FAM118A: variants seen among roughly 807,000 people sequenced by gnomAD.
FAM118A encodes the protein SIR2 antiphage like 2.
FAM118A carries 25 observed loss-of-function variants against 38.2 expected under a neutral mutation model. The ratio of observed to expected loss-of-function variants is 0.65; its 90% CI spans 0.48 to 0.91. The LOEUF (loss-of-function observed/expected upper bound fraction) is 0.91. Among genes scored for constraint, FAM118A ranks in the 40% least tolerant of loss-of-function variants. The probability of loss-of-function intolerance (pLI) is 0.00; values close to 1 mark genes in which losing one functional copy is unlikely to be tolerated. For missense variants in FAM118A, 425 were observed against 463.3 expected (o/e 0.92, Z 0.76); for synonymous variants, 178 against 184.1 (o/e 0.97, Z 0.27).
At position 45,323,446 on chromosome 22, in the gene FAM118A, C is replaced by A. The variant is rs182422046; in HGVS notation, c.300+19C>A. On this transcript the variant is annotated intron_variant, in intron 3 of 8. Transcript: ENST00000441876. Reference sequence around the variant, plus strand: ...GTCACCTGTAAGTGTCAGACAAGTACCTCTTGGGGACAGCTTGGTTCTGCA... The same window carrying A: ...GTCACCTGTAAGTGTCAGACAAGTAACTCTTGGGGACAGCTTGGTTCTGCA... 14 of 1,607,916 alleles carry A rather than the reference C, an allele frequency of 8.7e-6. No homozygotes were observed. In the Admixed American group the frequency reaches 1.8e-4, roughly 21 times the overall value.
At chr22:45,327,708 C>T (rs1229558740) in intron 3 of FAM118A, 134 bp from the exon 4 acceptor site, 36 of 836,492 alleles carry the variant, frequency 4.3e-5, no homozygotes, top group Non-Finnish European at 4.6e-5. Flanking sequence ...TCTGGGGTTG[C>T]GGCGCACGCT....
At chr22:45,312,047 G>A (rs1360266886) in intron 1 of FAM118A, among the ~76,000 whole-genome samples, 2 of 152,060 alleles carry the variant, frequency 1.3e-5, no homozygotes, top group Non-Finnish European at 2.9e-5. Flanking sequence ...CTGGGCTAGG[G>A]GTCCTGAAGA....
At chr22:45,338,271 C>T (rs2086242194) in intron 8 of FAM118A, among the ~76,000 whole-genome samples, 1 of 151,988 alleles carries the variant, frequency 6.6e-6, no homozygotes, top group African/African-American at 2.4e-5. Context: ...GCTCTGTTGC[C>T]CAGGCTGGAG....
intron 8 of FAM118A, among the ~76,000 whole-genome samples, chr22:45,337,274 G>A (rs2086173466): frequency 6.6e-6 from 1 of 152,302 alleles, no homozygotes; most frequent in South Asian, 2.1e-4. Flanking sequence ...TGTAAAAGTT[G>A]GCAAACAAAA....
At chr22:45,332,109 G>T (rs1422397719) in intron 5 of FAM118A, among the ~76,000 whole-genome samples, 1 of 152,222 alleles carries the variant, frequency 6.6e-6, no homozygotes, top group African/African-American at 2.4e-5. Flanking sequence ...AGTGTGTGGG[G>T]TGGGCGATGG....
chr22:45,319,538 A>G (rs1248138357), intron 1 of FAM118A, among the ~76,000 whole-genome samples: 1 of 152,206 alleles, frequency 6.6e-6, no homozygotes, highest in Non-Finnish European at 1.5e-5. Flanking sequence ...CTGCCAGAGC[A>G]CTTTCATACA....
At chr22:45,321,193 T>G (rs1209872728) in intron 1 of FAM118A, among the ~76,000 whole-genome samples, 2 of 151,908 alleles carry the variant, frequency 1.3e-5, no homozygotes, top group East Asian at 3.9e-4. Flanking sequence ...CTCAGCTCAC[T>G]GCAACCTCCA....
chr22:45,335,260 CCTGCCGTTCCCAGTCA>C lies in FAM118A; in HGVS notation c.938-84_938-69del, dbSNP rs937949236. The C allele has an allele frequency of 4.0e-6, 6 of 1,483,848 alleles. No individual in the cohort carries two copies. The African/African-American group carries it at 6.9e-5, about 17-fold the overall frequency. 91.9% of individuals were successfully genotyped at this position (1,483,848 alleles called of 1,614,324 possible). ...CCTGCCCAGAAGCCTGTTCCCAGTC[CCTGCCGTTCCCAGTCA>C]CTGCCTCAGGGTGGCCGAGGAGGAC... On this transcript the variant is annotated intron_variant, in intron 6 of 8. Coordinates refer to ENST00000441876, the MANE Select transcript of FAM118A (RefSeq NM_017911.4).
At chr22:45,319,784 G>A in intron 1 of FAM118A, among the ~76,000 whole-genome samples, 1 of 152,108 alleles carries the variant, frequency 6.6e-6, no homozygotes, top group East Asian at 1.9e-4. Flanking sequence ...TTAGTTTGAT[G>A]ACTGATGTTA....
At chr22:45,339,605 C>T (rs970637252) in intron 8 of FAM118A, among the ~76,000 whole-genome samples, 3 of 152,082 alleles carry the variant, frequency 2.0e-5, no homozygotes, top group African/African-American at 4.8e-5. Context: ...CTGTTTCCTC[C>T]GGGGTAGGTG....
In FAM118A at chr22:45,336,593, C is replaced by T. The variant is rs1368337372; in HGVS notation, c.1054+182C>T. 5.9e-5 allele frequency among the ~76,000 whole-genome samples: 9 copies of T among 152,150 alleles called. No homozygotes were observed. In the South Asian group the frequency reaches 1.9e-3, roughly 32 times the overall value. ...CAGAGACCCTGACCTCTCACCCCAACCCGATTCCAACTGCCCAGAGCTACT... is the reference window on the plus strand; with the variant it reads ...CAGAGACCCTGACCTCTCACCCCAATCCGATTCCAACTGCCCAGAGCTACT... On this transcript the variant is annotated intron_variant, in intron 8 of 8. Coordinates refer to ENST00000441876, the MANE Select transcript of FAM118A (RefSeq NM_017911.4).
At chr22:45,335,230 G>A (rs2086001396) in intron 6 of FAM118A, 120 bp from the exon 7 acceptor site, 5 of 1,122,508 alleles carry the variant, frequency 4.5e-6, no homozygotes, top group Non-Finnish European at 6.6e-6. Flanking sequence ...GCCCGCGCGG[G>A]CTGACCTGCC....
chr22:45,322,354 C>G lies in FAM118A; in HGVS notation c.-9-17C>G. 3 of 1,605,894 alleles carry G rather than the reference C, an allele frequency of 1.9e-6. No homozygotes were observed. The highest frequency in any genetic ancestry group is 2.5e-6 in the Non-Finnish European group (3 of 1,177,376). On this transcript the variant is annotated splice_polypyrimidine_tract_variant and intron_variant, in intron 1 of 8. Transcript: ENST00000441876. The stretch of plus-strand genomic sequence containing the variant: ...CCTGGGAGACAGAAGTCACTTCTGA[C>G]TAATTTTTCTCTTTAGAATTCACAG...
chr22:45,314,223 C>A (rs1169284848), intron 1 of FAM118A, among the ~76,000 whole-genome samples: 2 of 152,242 alleles, frequency 1.3e-5, no homozygotes, highest in East Asian at 3.8e-4. Flanking sequence ...CCCCGCCCCC[C>A]AAGCTAACAT....
At chr22:45,333,294 G>A (rs529451532) in intron 6 of FAM118A, among the ~76,000 whole-genome samples, 2 of 152,284 alleles carry the variant, frequency 1.3e-5, no homozygotes, top group Non-Finnish European at 1.5e-5. Context: ...GGGAGGCCAA[G>A]GCAGGAGGAT....
chr22:45,328,542 G>C, intron 4 of FAM118A: 1 of 717,988 alleles, frequency 1.4e-6, no homozygotes, highest in Non-Finnish European at 2.6e-6. Flanking sequence ...CGAGGTGGGA[G>C]GATTGCTTGA....
intron 1 of FAM118A, among the ~76,000 whole-genome samples, chr22:45,314,808 TAA>T (rs1317505379): frequency 6.6e-6 from 1 of 152,248 alleles, no homozygotes; most frequent in Admixed American, 6.5e-5. Context: ...AAACTGTATG[TAA>T]AATGCTGAAT....
At chr22:45,325,780 A>AC (rs1317614433) in intron 3 of FAM118A, among the ~76,000 whole-genome samples, 1 of 152,126 alleles carries the variant, frequency 6.6e-6, no homozygotes, top group Non-Finnish European at 1.5e-5. Flanking sequence ...GGACATGAGA[A>AC]TCACCCCAAA....
In FAM118A at chr22:45,328,542, G is replaced by A. The variant is rs1462369473; in HGVS notation, c.522+479G>A. On this transcript the variant is annotated intron_variant, in intron 4 of 8. Transcript: ENST00000441876. ...CGCTACTGGGGAGGCCGAGGTGGGA[G>A]GATTGCTTGAGCCCAGGAGTTCCAG... 9.8e-6 allele frequency: 7 copies of A among 717,870 alleles called. No homozygotes were observed. The African/African-American group carries it at 1.0e-4, about 11-fold the overall frequency. 44.5% of individuals were successfully genotyped at this position (717,870 alleles called of 1,614,324 possible). A position where few individuals can be genotyped will look rare whatever the true frequency, so the allele number is the denominator to read the frequency against.
Sources: allele counts gnomAD v4.1 joint callset (sites outside exome capture counted in the v4.1 genomes callset), GRCh38; gene constraint gnomAD v4.1.1; transcripts MANE v1.5; gene names NCBI Gene and HGNC (gene_info 2026-07-23, HGNC 2026-07-21).